PLCE1: variants seen among roughly 807,000 people sequenced by gnomAD.
PLCE1 encodes the protein 1-phosphatidylinositol 4,5-bisphosphate phosphodiesterase epsilon-1.
Under a neutral mutation model 242.8 loss-of-function variants are expected in PLCE1, and 119 were observed. That is an observed-to-expected ratio of 0.49 (90% confidence interval 0.42 to 0.57). The LOEUF (loss-of-function observed/expected upper bound fraction) is 0.57, where lower values mean the gene tolerates loss of function less well. Ranked by LOEUF, PLCE1 falls within the 20% of genes least tolerant of loss-of-function variation. PLCE1 has a pLI of 0.00. For synonymous variants in PLCE1, 945 were observed against 1,017.4 expected (o/e 0.93, Z 1.35); for missense variants, 2,441 against 2,788.8 (o/e 0.88, Z 2.81).
intron 5 of PLCE1, among the ~76,000 whole-genome samples, chr10:94,231,983 C>A (rs939059719): frequency 1.3e-5 from 2 of 152,198 alleles, no homozygotes; most frequent in Non-Finnish European, 2.9e-5. Flanking sequence ...GACTATCTAC[C>A]ATGTGATACT....
chr10:94,073,601 C>A (rs773940282), intron 2 of PLCE1, among the ~76,000 whole-genome samples: 1 of 152,206 alleles, frequency 6.6e-6, no homozygotes, highest in Non-Finnish European at 1.5e-5. Flanking sequence ...TTCATTTCCT[C>A]TTCCCTTCCA....
Position 94,284,913 on chromosome 10 carries a change from T to C in PLCE1, c.4983T>C (p.Ile1661=). 1 of 1,612,416 alleles carries C rather than the reference T, an allele frequency of 6.2e-7. No individual in the cohort carries two copies. Among genetic ancestry groups the C allele is most frequent in the Non-Finnish European group, 8.5e-7 (1 of 1,178,592 alleles). Reference sequence around the variant, plus strand: ...AGAATAAAAAGGAAAGCAGACAGATTGCACCAGAGCTTTCTGACCTTGTAA... The same window carrying C: ...AGAATAAAAAGGAAAGCAGACAGATCGCACCAGAGCTTTCTGACCTTGTAA... The part of the protein sequence containing the change: ...LDQNKKESRQ[I]APELSDLVIY... The change falls in exon 22 of 33, where the codon ATT becomes ATC. Residue 1661 remains isoleucine, a synonymous_variant. Transcript: ENST00000371380.
In PLCE1 at chr10:94,022,654, T is replaced by C. The variant is rs116603022; in HGVS notation, c.-364-8029T>C. On this transcript the variant is annotated intron_variant, in intron 1 of 32. Coordinates refer to ENST00000371380, the MANE Select transcript of PLCE1 (RefSeq NM_016341.4). ...ATAGGCCCCCCTTTTTTTAAGAAATTGATTTTCTTACTGATCAAGGTAAAT... is the reference window on the plus strand; with the variant it reads ...ATAGGCCCCCCTTTTTTTAAGAAATCGATTTTCTTACTGATCAAGGTAAAT... 3.7e-3 allele frequency among the ~76,000 whole-genome samples: 565 copies of C among 152,166 alleles called. 2 individuals carry two copies. The highest frequency in any genetic ancestry group is 0.013 in the African/African-American group (542 of 41,536).
intron 4 of PLCE1, among the ~76,000 whole-genome samples, chr10:94,194,766 A>C (rs1213206175): frequency 6.6e-6 from 1 of 152,220 alleles, no homozygotes; most frequent in Non-Finnish European, 1.5e-5. Flanking sequence ...ATTTGAGGAA[A>C]TGTGTTTACC....
chr10:94,280,225 AT>A (rs1284867005), intron 20 of PLCE1: 18 of 397,144 alleles, frequency 4.5e-5, no homozygotes, highest in Non-Finnish European at 7.6e-5. Flanking sequence ...GTGGCTGATA[AT>A]CTTGGCAGGA....
intron 10 of PLCE1, among the ~76,000 whole-genome samples, 165 bp from the exon 11 acceptor site, chr10:94,254,728 C>T (rs1046188258): frequency 6.6e-6 from 1 of 152,166 alleles, no homozygotes; most frequent in Non-Finnish European, 1.5e-5. Flanking sequence ...AGTTGAGACC[C>T]CACCAGATTA....
intron 13 of PLCE1, among the ~76,000 whole-genome samples, chr10:94,260,098 T>G (rs1182638406): frequency 1.3e-5 from 2 of 152,108 alleles, no homozygotes; most frequent in African/African-American, 4.8e-5. Flanking sequence ...CCAAACCATA[T>G]CACTGACCAT....
In PLCE1 at chr10:94,031,074, G is replaced by A. The variant is rs755873612; in HGVS notation, c.28G>A (p.Val10Ile). The part of the protein sequence containing the change: MTSEEMTAS[V>I]LIPVTQRKVV... ...GACTTCTGAAGAAATGACAGCTTCT[G>A]TTCTCATACCTGTGACTCAGAGAAA... Residue 10 changes from valine (V) to isoleucine (I), a missense_variant, in exon 2 of 33, where the codon GTT becomes ATT. Physicochemically the swap from Val to Ile is conservative, Grantham distance 29. This residue lies in a region of PLCE1 where 393 missense variants were observed against 378.5 expected (regional missense o/e 1.04). Coordinates refer to ENST00000371380, the MANE Select transcript of PLCE1 (RefSeq NM_016341.4). 4.3e-6 allele frequency: 7 copies of A among 1,613,558 alleles called. No homozygotes were observed. The highest frequency in any genetic ancestry group is 1.1e-5 in the South Asian group (1 of 91,088).
At chr10:94,130,885 G>A (rs562103607) in intron 2 of PLCE1, among the ~76,000 whole-genome samples, 30 of 152,278 alleles carry the variant, frequency 2.0e-4, no homozygotes, top group African/African-American at 6.7e-4. Flanking sequence ...CACATGCCTG[G>A]CCCGCAGGGC....
intron 5 of PLCE1, among the ~76,000 whole-genome samples, chr10:94,229,684 G>A (rs1224532858): frequency 6.6e-6 from 1 of 152,146 alleles, no homozygotes; most frequent in Non-Finnish European, 1.5e-5. Flanking sequence ...ATTCAACTGA[G>A]TTTAAATCCA....
chr10:94,147,861 C>T (rs556004540), intron 3 of PLCE1, among the ~76,000 whole-genome samples: 27 of 152,286 alleles, frequency 1.8e-4, no homozygotes, highest in African/African-American at 6.5e-4. Flanking sequence ...ATGCCTGCCA[C>T]CCCTGTTCTA....
intron 4 of PLCE1, among the ~76,000 whole-genome samples, chr10:94,200,625 G>A (rs1180424735): frequency 3.3e-5 from 5 of 152,272 alleles, no homozygotes; most frequent in Non-Finnish European, 7.4e-5. Context: ...CTCCCTACTT[G>A]TTAAAGTATG....
At chr10:94,157,368 TC>T (rs1016188891) in intron 3 of PLCE1, among the ~76,000 whole-genome samples, 1 of 152,208 alleles carries the variant, frequency 6.6e-6, no homozygotes, top group Non-Finnish European at 1.5e-5. Flanking sequence ...TGTTTTAATT[TC>T]CCCATCATCA....
Position 94,252,377 on chromosome 10 carries a change from G to A in PLCE1, c.3158G>A (p.Arg1053Gln), listed in dbSNP as rs375633926. 3.3e-5 allele frequency: 54 copies of A among 1,613,930 alleles called. No individual in the cohort carries two copies. Among genetic ancestry groups the A allele is most frequent in the African/African-American group, 1.3e-4 (10 of 74,894 alleles). Residue 1053 changes from arginine (R) to glutamine (Q), a missense_variant, in exon 9 of 33, where the codon CGG becomes CAG. Transcript: ENST00000371380. ...GCTGTGGAGTTGTTTGGTGGCAGAC[G>A]GTGGAGTGCTCGAAACCCCAGCCCC... Reference protein sequence around the residue: ...AHAVELFGGRRWSARNPSPGT... With the variant: ...AHAVELFGGRQWSARNPSPGT...
intron 1 of PLCE1, among the ~76,000 whole-genome samples, chr10:94,008,384 C>T (rs560514164): frequency 1.3e-4 from 20 of 152,200 alleles, no homozygotes; most frequent in Admixed American, 3.3e-4. Flanking sequence ...TCTCAGCTCA[C>T]TACAACCTCC....
intron 1 of PLCE1, among the ~76,000 whole-genome samples, chr10:94,005,994 T>C (rs577331469): frequency 6.6e-4 from 100 of 152,346 alleles, no homozygotes; most frequent in African/African-American, 2.3e-3. Context: ...TGATAGGTTG[T>C]ACAAATGGGA....
intron 11 of PLCE1, among the ~76,000 whole-genome samples, chr10:94,255,910 A>ACTCTCT (rs2051061927): frequency 2.2e-5 from 2 of 91,966 alleles, no homozygotes; most frequent in Non-Finnish European, 2.3e-5. Context: ...ACACACACAC[A>ACTCTCT]CACACTCTCT....
intron 4 of PLCE1, among the ~76,000 whole-genome samples, chr10:94,178,885 T>C (rs2048209206): frequency 6.6e-6 from 1 of 152,222 alleles, no homozygotes; most frequent in South Asian, 2.1e-4. Flanking sequence ...TATTGAACCA[T>C]GTTTAGAAAC....
At chr10:94,159,711 G>A (rs1481093033) in intron 3 of PLCE1, among the ~76,000 whole-genome samples, 1 of 152,052 alleles carries the variant, frequency 6.6e-6, no homozygotes, top group Non-Finnish European at 1.5e-5. Flanking sequence ...TTGGTGTGCT[G>A]CACCCATTAT....
Sources: gnomAD v4.1 joint callset for allele counts (sites outside exome capture counted in the v4.1 genomes callset) on GRCh38, gnomAD v4.1.1 for gene constraint, gnomAD v4.1.1 regional missense constraint, MANE v1.5 for transcripts, NCBI Gene and HGNC (gene_info 2026-07-23, HGNC 2026-07-21) for gene names.